Variants in HOXB6 observed in about 807,000 individuals in gnomAD.
HOXB6 encodes the protein homeobox B6.
In HOXB6, 18 loss-of-function variants were observed where a neutral mutation model predicts 24.2. The ratio of observed to expected loss-of-function variants is 0.74; its 90% CI spans 0.51 to 1.10. The LOEUF (loss-of-function observed/expected upper bound fraction) is 1.10. Among genes scored for constraint, HOXB6 ranks in the 50% least tolerant of loss-of-function variants. The pLI, the probability that HOXB6 is intolerant of heterozygous loss-of-function variation, is 0.00. For synonymous variants in HOXB6, 159 were observed against 139.1 expected (o/e 1.14, Z -1.01); for missense variants, 332 against 308.3 (o/e 1.08, Z -0.58).
chr17:48,603,682 A>G (rs2070519848), intron 2 of HOXB6: 1 of 152,240 alleles, frequency 6.6e-6, no homozygotes, highest in African/African-American at 2.4e-5. Context: ...TAATAGAATC[A>G]GTATCACGCA....
At chr17:48,600,114 A>G (rs1448315769) in intron 2 of HOXB6, among the ~76,000 whole-genome samples, 2 of 151,936 alleles carry the variant, frequency 1.3e-5, no homozygotes, top group Non-Finnish European at 2.9e-5. Context: ...AAACCCCCTG[A>G]TAATGAAGAA....
chr17:48,596,994 AC>A lies in HOXB6; in HGVS notation c.416-323del, dbSNP rs1220417053. The A allele has an allele frequency of 3.8e-5, 27 of 707,016 alleles. No individual in the cohort carries two copies. Among genetic ancestry groups the A allele is most frequent in the South Asian group, 4.6e-5 (2 of 43,612 alleles). The allele number at this position is 707,016 out of a possible 1,614,324, so 43.8% of individuals were successfully genotyped here. A position where few individuals can be genotyped will look rare whatever the true frequency, so the allele number is the denominator to read the frequency against. The stretch of plus-strand genomic sequence containing the variant: ...CTCCCTTTCCATCCATCTTGTTCCC[AC>A]CCCCCGTCATCCCCCCAACCCAATG... On this transcript the variant is annotated intron_variant, in intron 3 of 3. Transcript: ENST00000225648. The surrounding 1 kb of genome is among the most constrained non-coding windows in gnomAD (Gnocchi z 4.8).
intron 2 of HOXB6, among the ~76,000 whole-genome samples, chr17:48,601,043 G>A (rs751165498): frequency 1.3e-5 from 2 of 151,564 alleles, no homozygotes; most frequent in African/African-American, 4.9e-5. Context: ...GTGTGTGGGA[G>A]GGTGCTGAGA....
chr17:48,596,795 TC>T lies in HOXB6; in HGVS notation c.416-124del, dbSNP rs553093801. ...ATGCCCTCTATTCTGCCGGCTCCCT[TC>T]CCCCGTTTCGCACTCCTCCAGCGCC... On this transcript the variant is annotated intron_variant, in intron 3 of 3. Coordinates refer to ENST00000225648, the MANE Select transcript of HOXB6 (RefSeq NM_018952.5). This position sits in a 1 kb window ranked among gnomAD's most constrained non-coding sequence, Gnocchi z 4.8. 2 of 1,457,540 alleles carry T rather than the reference TC, an allele frequency of 1.4e-6. No individual in the cohort carries two copies. The highest frequency in any genetic ancestry group is 3.9e-5 in the Admixed American group (2 of 51,788). 90.3% of individuals were successfully genotyped at this position (1,457,540 alleles called of 1,614,324 possible). A position where few individuals can be genotyped will look rare whatever the true frequency, so the allele number is the denominator to read the frequency against.
Position 48,596,998 on chromosome 17 carries a change from C to G in HOXB6, c.416-326G>C. On this transcript the variant is annotated intron_variant, in intron 3 of 3. Transcript: ENST00000225648. The surrounding 1 kb of genome is among the most constrained non-coding windows in gnomAD (Gnocchi z 4.8). ...CTTTCCATCCATCTTGTTCCCACCC[C>G]CCGTCATCCCCCCAACCCAATGATA... The G allele has an allele frequency of 1.7e-6, 2 of 1,202,854 alleles. No homozygotes were observed. Among genetic ancestry groups the G allele is most frequent in the Non-Finnish European group, 2.1e-6 (2 of 938,272 alleles). The allele number at this position is 1,202,854 out of a possible 1,614,324, so 74.5% of individuals were successfully genotyped here. A position where few individuals can be genotyped will look rare whatever the true frequency, so the allele number is the denominator to read the frequency against.
In HOXB6 at chr17:48,596,787, G is replaced by T; in HGVS notation, c.416-115C>A. ...GTACCGGGATGCCCTCTATTCTGCC[G>T]GCTCCCTTCCCCCGTTTCGCACTCC... On this transcript the variant is annotated intron_variant, in intron 3 of 3. Transcript: ENST00000225648. The surrounding 1 kb of genome is among the most constrained non-coding windows in gnomAD (Gnocchi z 4.8). The T allele has an allele frequency of 6.7e-7, 1 of 1,492,024 alleles. No homozygotes were observed. Among genetic ancestry groups the T allele is most frequent in the Non-Finnish European group, 9.1e-7 (1 of 1,098,322 alleles). The allele number at this position is 1,492,024 out of a possible 1,614,324, so 92.4% of individuals were successfully genotyped here.
In HOXB6 at chr17:48,598,160, A is replaced by G; in HGVS notation, c.-10T>C. The stretch of plus-strand genomic sequence containing the variant: ...CGAAATAGGAACTCATTGGGAGGGG[A>G]GGCGCGCGCGGCCGCTGCTGCTCCG... On this transcript the variant is annotated 5_prime_UTR_variant, in exon 3 of 4. Transcript: ENST00000225648. 4 of 1,566,538 alleles carry G rather than the reference A, an allele frequency of 2.6e-6. No homozygotes were observed. The South Asian group carries it at 3.5e-5, about 14-fold the overall frequency.
intron 3 of HOXB6, 124 bp downstream of exon 3, chr17:48,597,612 C>T: frequency 1.9e-6 from 2 of 1,054,658 alleles, no homozygotes; most frequent in Non-Finnish European, 2.9e-6. Flanking sequence ...CTTCTTCTAT[C>T]TCCTAACTGA....
At chr17:48,598,615 G>C (rs919109) in intron 2 of HOXB6, among the ~76,000 whole-genome samples, 26,359 of 152,078 alleles carry the variant, frequency 0.17, 2,459 homozygotes, top group East Asian at 0.25. Context: ...AAAGTTAATT[G>C]TGTTTTCAGA....
chr17:48,601,148 G>T (rs1285316357), intron 2 of HOXB6, among the ~76,000 whole-genome samples: 1 of 152,016 alleles, frequency 6.6e-6, no homozygotes, highest in African/African-American at 2.4e-5. Context: ...CCCAACTTTG[G>T]CTGGGGTGGG....
chr17:48,596,039 A>AC lies in HOXB6; in HGVS notation c.*373dup. On this transcript the variant is annotated 3_prime_UTR_variant, in exon 4 of 4. Transcript: ENST00000225648. This position sits in a 1 kb window ranked among gnomAD's most constrained non-coding sequence, Gnocchi z 4.8. Reference sequence around the variant, plus strand: ...CCCCCGCTGAGGGGACAGCGAATCTACCATTGAACCGTGCACGGGGGACAT... The same window carrying AC: ...CCCCCGCTGAGGGGACAGCGAATCTACCCATTGAACCGTGCACGGGGGACAT... 2.1e-6 allele frequency: 1 copy of AC among 475,634 alleles called. No individual in the cohort carries two copies. Among genetic ancestry groups the AC allele is most frequent in the Non-Finnish European group, 4.2e-6 (1 of 240,180 alleles). 29.5% of individuals were successfully genotyped at this position (475,634 alleles called of 1,614,324 possible).
intron 2 of HOXB6, 114 bp from the exon 3 acceptor site, chr17:48,598,342 G>C (rs1293163652): frequency 1.7e-6 from 1 of 581,218 alleles, no homozygotes; most frequent in Non-Finnish European, 2.9e-6. Flanking sequence ...GGCAGAGGCA[G>C]GAATTGTCAA....
chr17:48,604,091 G>A (rs1423593513), intron 2 of HOXB6: 1 of 152,808 alleles, frequency 6.5e-6, no homozygotes, highest in Non-Finnish European at 1.5e-5. Context: ...CGAGACAAGG[G>A]AGGGATGGCA....
intron 3 of HOXB6, chr17:48,597,056 C>A (rs563666431): frequency 8.7e-7 from 1 of 1,151,164 alleles, no homozygotes; most frequent in Non-Finnish European, 1.1e-6. Flanking sequence ...TGACGTAGAT[C>A]GATCCATAGT....
intron 2 of HOXB6, among the ~76,000 whole-genome samples, chr17:48,602,672 C>A (rs1396305336): frequency 6.6e-6 from 1 of 152,132 alleles, no homozygotes; most frequent in East Asian, 1.9e-4. Flanking sequence ...GTGGACCCTG[C>A]GAGGCCGGGG....
At chr17:48,599,695 G>T (rs2070410228) in intron 2 of HOXB6, among the ~76,000 whole-genome samples, 1 of 152,198 alleles carries the variant, frequency 6.6e-6, no homozygotes, top group Admixed American at 6.5e-5. Flanking sequence ...CAGGCTGGGA[G>T]ACAGGGCCAC....
rs2070299425 is a variant in HOXB6 at position 48,596,538 on chromosome 17, A to G, written c.550T>C (p.Cys184Arg). 3.7e-6 allele frequency: 6 copies of G among 1,614,116 alleles called. No individual in the cohort carries two copies. Among genetic ancestry groups the G allele is most frequent in the Non-Finnish European group, 5.1e-6 (6 of 1,180,052 alleles). Residue 184 changes from cysteine to arginine, a missense_variant, in exon 4 of 4, where the codon TGC (cysteine) becomes CGC (arginine). Cys to Arg is a radical substitution (Grantham distance 180). Transcript: ENST00000225648. The surrounding 1 kb of genome is among the most constrained non-coding windows in gnomAD (Gnocchi z 4.8). ...ATCTTGATCTGCCTCTCCGTCAGGC[A>G]CAGGGCGTGCGCGATCTCGATGCGC... is the stretch of plus-strand genomic sequence containing the variant. ...RRRIEIAHALCLTERQIKIWF... is the reference protein window; with the variant it reads ...RRRIEIAHALRLTERQIKIWF...
rs200316432 is a variant in HOXB6 at position 48,598,030 on chromosome 17, C to A, written c.121G>T (p.Ala41Ser). 20 of 1,599,130 alleles carry A rather than the reference C, an allele frequency of 1.3e-5. No individual in the cohort carries two copies. The highest frequency in any genetic ancestry group is 1.3e-5 in the African/African-American group (1 of 74,636). Residue 41 changes from alanine (A) to serine (S), a missense_variant, in exon 3 of 4, where the codon GCG becomes TCG. Coordinates refer to ENST00000225648, the MANE Select transcript of HOXB6 (RefSeq NM_018952.5). Reference sequence around the variant, plus strand: ...TGGCCCGGCCCTGGCCCGTAGGGCGCGGGGTAATGTCTCAGCGGGTCCGCA... The same window carrying A: ...TGGCCCGGCCCTGGCCCGTAGGGCGAGGGGTAATGTCTCAGCGGGTCCGCA... ...GYADPLRHYP[A>S]PYGPGPGQDK...
intron 2 of HOXB6, chr17:48,602,215 CAGGAG>C (rs1285412326): frequency 2.2e-6 from 1 of 455,996 alleles, no homozygotes; most frequent in African/African-American, 2.0e-5. Flanking sequence ...ACTAACCAAC[CAGGAG>C]AACACAGACC....
Sources: allele counts gnomAD v4.1 joint callset (sites outside exome capture counted in the v4.1 genomes callset), GRCh38; gene constraint gnomAD v4.1.1; non-coding constraint Gnocchi (gnomAD v3.1); transcripts MANE v1.5; gene names NCBI Gene and HGNC (gene_info 2026-07-23, HGNC 2026-07-21).